Variants in PDLIM1 observed in about 807,000 individuals in gnomAD.
PDLIM1 encodes the protein PDZ and LIM domain protein 1.
Under a neutral mutation model 35.2 loss-of-function variants are expected in PDLIM1, and 25 were observed. That is an observed-to-expected ratio of 0.71 (90% confidence interval 0.52 to 0.99). PDLIM1 has a LOEUF of 0.99. Ranked by LOEUF, PDLIM1 falls within the 50% of genes least tolerant of loss-of-function variation. The pLI, the probability that PDLIM1 is intolerant of heterozygous loss-of-function variation, is 0.00. For missense variants in PDLIM1, 363 were observed against 415.3 expected (o/e 0.87, Z 1.09); for synonymous variants, 152 against 154.0 (o/e 0.99, Z 0.10).
chr10:95,238,447 A>G, intron 6 of PDLIM1, 121 bp downstream of exon 6: 1 of 737,030 alleles, frequency 1.4e-6, no homozygotes, highest in Non-Finnish European at 2.4e-6. Context: ...TCTCTGTTGC[A>G]TTTTTCCAGG....
chr10:95,289,460 G>T (rs1207096095), intron 1 of PDLIM1, among the ~76,000 whole-genome samples: 2 of 152,118 alleles, frequency 1.3e-5, no homozygotes, highest in Non-Finnish European at 2.9e-5. Context: ...GGAAGATAAG[G>T]CCCAAAAACT....
intron 1 of PDLIM1, among the ~76,000 whole-genome samples, chr10:95,283,868 G>A (rs563386935): frequency 6.6e-5 from 10 of 152,214 alleles, no homozygotes; most frequent in South Asian, 2.1e-4. Context: ...CTGACCTTCC[G>A]GCAAAGGTCT....
intron 3 of PDLIM1, among the ~76,000 whole-genome samples, chr10:95,268,181 T>C (rs1384100423): frequency 6.6e-6 from 1 of 152,244 alleles, no homozygotes; most frequent in Non-Finnish European, 1.5e-5. Flanking sequence ...TCTACTGTCC[T>C]GAGAAATTCT....
At chr10:95,289,514 TCA>T (rs939097660) in intron 1 of PDLIM1, among the ~76,000 whole-genome samples, 9 of 152,098 alleles carry the variant, frequency 5.9e-5, no homozygotes, top group African/African-American at 2.2e-4. Flanking sequence ...GAAGACCTCC[TCA>T]CTGGGCCAGG....
chr10:95,256,654 T>C (rs2133420183), intron 4 of PDLIM1, among the ~76,000 whole-genome samples: 1 of 152,296 alleles, frequency 6.6e-6, no homozygotes, highest in Non-Finnish European at 1.5e-5. Flanking sequence ...AGAATGAAGT[T>C]GGACCCTTAC....
At chr10:95,261,864 C>T (rs745972386) in intron 4 of PDLIM1, among the ~76,000 whole-genome samples, 10 of 152,038 alleles carry the variant, frequency 6.6e-5, no homozygotes, top group Non-Finnish European at 1.0e-4. Flanking sequence ...CAAAATTATC[C>T]GGGCGTGGTG....
intron 4 of PDLIM1, 46 bp from the exon 5 acceptor site, chr10:95,247,412 A>C (rs754855408): frequency 6.6e-7 from 1 of 1,523,128 alleles, no homozygotes; most frequent in South Asian, 1.2e-5. Context: ...ACAGAAGTTA[A>C]AAATAACTTC....
chr10:95,259,421 TGTCCC>T (rs2035342826), intron 4 of PDLIM1, among the ~76,000 whole-genome samples: 1 of 152,138 alleles, frequency 6.6e-6, no homozygotes, highest in Non-Finnish European at 1.5e-5. Context: ...AGAAATGAGA[TGTCCC>T]AGCCTGATTA....
At chr10:95,262,020 A>G (rs574396434) in intron 4 of PDLIM1, among the ~76,000 whole-genome samples, 48 of 152,054 alleles carry the variant, frequency 3.2e-4, no homozygotes, top group East Asian at 1.2e-3. Flanking sequence ...AAAAAAAAAA[A>G]AAAGAAAGAA....
Position 95,263,917 on chromosome 10 carries a change from G to A in PDLIM1, c.480C>T (p.Asn160=), listed in dbSNP as rs1426830188. The stretch of plus-strand genomic sequence containing the variant: ...CAGCAGTCTTTGACTCCAGGGCATT[G>A]TTGAAGTTGGAGATATTTTCAGAAG... The part of the protein sequence containing the change: ...LYSSENISNF[N]NALESKTAAS... The change falls in exon 4 of 7, where the codon AAC becomes AAT. Residue 160 remains asparagine (N), a synonymous_variant. Transcript: ENST00000329399. The A allele has an allele frequency of 1.9e-6, 3 of 1,613,900 alleles. No individual in the cohort carries two copies. Among genetic ancestry groups the A allele is most frequent in the Non-Finnish European group, 2.5e-6 (3 of 1,180,002 alleles).
chr10:95,247,061 C>G (rs548279973), intron 5 of PDLIM1, among the ~76,000 whole-genome samples, 154 bp downstream of exon 5: 1 of 152,264 alleles, frequency 6.6e-6, no homozygotes, highest in African/African-American at 2.4e-5. Flanking sequence ...CTCTCTCTCT[C>G]TCTCCCTCTA....
intron 4 of PDLIM1, among the ~76,000 whole-genome samples, chr10:95,257,498 C>G (rs867885610): frequency 4.6e-5 from 7 of 151,852 alleles, no homozygotes; most frequent in African/African-American, 9.7e-5. Context: ...AAAAAATGAT[C>G]AAAGGATTTG....
chr10:95,252,088 C>T (rs1336386557), intron 4 of PDLIM1, among the ~76,000 whole-genome samples: 1 of 152,232 alleles, frequency 6.6e-6, no homozygotes, highest in African/African-American at 2.4e-5. Context: ...GGGGTCCAGA[C>T]TTCTAGTCTC....
intron 1 of PDLIM1, among the ~76,000 whole-genome samples, chr10:95,279,498 C>A (rs1454494064): frequency 1.3e-5 from 2 of 152,144 alleles, no homozygotes; most frequent in Non-Finnish European, 2.9e-5. Context: ...GCAATTCAAA[C>A]CCCAACTCTA....
intron 4 of PDLIM1, among the ~76,000 whole-genome samples, chr10:95,255,710 A>C (rs576813277): frequency 6.6e-6 from 1 of 152,336 alleles, no homozygotes; most frequent in African/African-American, 2.4e-5. Flanking sequence ...TGTTCCTCTA[A>C]GATCAGCAGC....
chr10:95,263,736 A>C (rs776135326), intron 4 of PDLIM1, 128 bp downstream of exon 4: 15 of 631,872 alleles, frequency 2.4e-5, no homozygotes, highest in Non-Finnish European at 3.6e-5. Flanking sequence ...TGAACACAGA[A>C]GTGTTCTGCT....
At chr10:95,271,194 T>C (rs1010859594) in intron 2 of PDLIM1, among the ~76,000 whole-genome samples, 1 of 150,182 alleles carries the variant, frequency 6.7e-6, no homozygotes, top group Non-Finnish European at 1.5e-5. Flanking sequence ...CCTAGCACTT[T>C]GGGAGGCCAA....
intron 4 of PDLIM1, among the ~76,000 whole-genome samples, chr10:95,252,864 AAAAAG>A (rs2133417094): frequency 1.3e-5 from 2 of 152,290 alleles, no homozygotes; most frequent in South Asian, 4.1e-4. Context: ...TGGGGAGAAA[AAAAAG>A]AAATGAAGAG....
At chr10:95,255,530 C>A (rs1250634707) in intron 4 of PDLIM1, among the ~76,000 whole-genome samples, 1 of 151,974 alleles carries the variant, frequency 6.6e-6, no homozygotes. Context: ...GAATGAAGGA[C>A]AAAAACTACA....
Sources: allele counts gnomAD v4.1 joint callset (sites outside exome capture counted in the v4.1 genomes callset), GRCh38; gene constraint gnomAD v4.1.1; transcripts MANE v1.5; gene names NCBI Gene and HGNC (gene_info 2026-07-23, HGNC 2026-07-21).